Variants in FREM3 observed in about 807,000 individuals in gnomAD.
The protein encoded by FREM3 is FRAS1 related extracellular matrix 3.
Under a neutral mutation model 129.1 loss-of-function variants are expected in FREM3, and 105 were observed. The ratio of observed to expected loss-of-function variants is 0.81; its 90% CI spans 0.69 to 0.96. The LOEUF (loss-of-function observed/expected upper bound fraction) is 0.96. Ranked by LOEUF, FREM3 falls within the 40% of genes least tolerant of loss-of-function variation. The probability of loss-of-function intolerance (pLI) is 0.00; values close to 1 mark genes in which losing one functional copy is unlikely to be tolerated. For missense variants in FREM3, 2,593 were observed against 2,666.3 expected (o/e 0.97, Z 0.61); for synonymous variants, 1,014 against 1,044.9 (o/e 0.97, Z 0.57).
intron 2 of FREM3, among the ~76,000 whole-genome samples, chr4:143,635,540 C>T (rs1458977101): frequency 2.0e-5 from 3 of 152,190 alleles, no homozygotes; most frequent in South Asian, 2.1e-4. Flanking sequence ...CCTCCTCATC[C>T]TCAATTGTGA....
intron 6 of FREM3, among the ~76,000 whole-genome samples, chr4:143,593,942 C>G (rs1298454649): frequency 6.6e-6 from 1 of 152,236 alleles, no homozygotes; most frequent in Non-Finnish European, 1.5e-5. Flanking sequence ...TGCCCCTCCT[C>G]CAGCCTCGCT....
intron 2 of FREM3, among the ~76,000 whole-genome samples, chr4:143,663,361 A>T (rs1331503709): frequency 6.6e-6 from 1 of 152,110 alleles, no homozygotes; most frequent in African/African-American, 2.4e-5. Flanking sequence ...TTAGCTGGAT[A>T]TGAAATTCTG....
chr4:143,616,692 C>T (rs982172522), intron 5 of FREM3, among the ~76,000 whole-genome samples: 2 of 151,874 alleles, frequency 1.3e-5, no homozygotes, highest in African/African-American at 4.9e-5. Context: ...ACACGGGAGG[C>T]TGAGGCCGGA....
chr4:143,587,499 T>A (rs1433501579), intron 6 of FREM3, among the ~76,000 whole-genome samples: 1 of 152,206 alleles, frequency 6.6e-6, no homozygotes, highest in African/African-American at 2.4e-5. Context: ...TACATAGTGG[T>A]GTTTTGATAT....
At chr4:143,686,365 C>T (rs1431293587) in intron 2 of FREM3, among the ~76,000 whole-genome samples, 1 of 152,026 alleles carries the variant, frequency 6.6e-6, no homozygotes, top group Non-Finnish European at 1.5e-5. Context: ...TAGACAGAAA[C>T]ACAATAATAG....
rs902920366 is a variant in FREM3, at chr4:143,698,685, C to T, written c.1991G>A (p.Ser664Asn). The stretch of plus-strand genomic sequence containing the variant: ...CAGCTGGACCATTACAGATTGAGGG[C>T]TGTGTGGTCCAAGATGGCGGTAGAA... ...RLFYRHLGPH[S>N]PQSVMVQLAF... Residue 664 changes from serine (S) to asparagine (N), a missense_variant, in exon 1 of 8, where the codon AGC (serine) becomes AAC (asparagine). Around this residue, in one of 2 missense-constraint regions of FREM3, gnomAD observed 2,276 missense variants for 2,267.2 expected, o/e 1.00. Coordinates refer to ENST00000329798, the MANE Select transcript of FREM3 (RefSeq NM_001168235.2). 2.7e-5 allele frequency: 42 copies of T among 1,537,552 alleles called. No individual in the cohort carries two copies. The highest frequency in any genetic ancestry group is 3.6e-5 in the Non-Finnish European group (41 of 1,146,988).
intron 2 of FREM3, among the ~76,000 whole-genome samples, chr4:143,692,245 A>C (rs984887890): frequency 6.6e-6 from 1 of 152,104 alleles, no homozygotes; most frequent in Non-Finnish European, 1.5e-5. Context: ...GAAGAGGACA[A>C]GGTCACTTAC....
intron 2 of FREM3, among the ~76,000 whole-genome samples, chr4:143,646,162 A>T (rs771865344): frequency 6.6e-6 from 1 of 152,236 alleles, no homozygotes; most frequent in Non-Finnish European, 1.5e-5. Flanking sequence ...CTGTTTATAA[A>T]AGTTGCCCAA....
intron 2 of FREM3, among the ~76,000 whole-genome samples, chr4:143,669,623 C>CTAA (rs1441092702): frequency 7.3e-5 from 11 of 149,882 alleles, no homozygotes; most frequent in African/African-American, 2.5e-4. Context: ...TTATGTAACA[C>CTAA]TAATACATGT....
chr4:143,662,164 T>C (rs559171258), intron 2 of FREM3, among the ~76,000 whole-genome samples: 50 of 152,274 alleles, frequency 3.3e-4, no homozygotes, highest in Non-Finnish European at 6.2e-4. Context: ...CTTTTCTAGT[T>C]CTTTAATTGT....
chr4:143,626,113 G>T lies in FREM3; in HGVS notation c.5422+1501C>A, dbSNP rs543469570. Among the ~76,000 whole-genome samples, 5 of 152,252 alleles carry T rather than the reference G, an allele frequency of 3.3e-5. No individual in the cohort carries two copies. The East Asian group carries it at 7.7e-4, about 24-fold the overall frequency. The stretch of plus-strand genomic sequence containing the variant: ...ATCAGAAGGACTTTCTGGAGTGTCT[G>T]ATTGAGATGGTTTAGAGGTTCCTGT... On this transcript the variant is annotated intron_variant, in intron 3 of 7. Coordinates refer to ENST00000329798, the MANE Select transcript of FREM3 (RefSeq NM_001168235.2).
chr4:143,616,316 T>C (rs1450248667), intron 5 of FREM3, among the ~76,000 whole-genome samples: 2 of 152,194 alleles, frequency 1.3e-5, no homozygotes, highest in African/African-American at 4.8e-5. Context: ...TTAAACCATA[T>C]GATTTGTACT....
chr4:143,627,589 C>G, intron 3 of FREM3, 25 bp downstream of exon 3: 8 of 1,525,690 alleles, frequency 5.2e-6, no homozygotes, highest in Non-Finnish European at 7.0e-6. Context: ...GACCTTTTAC[C>G]AACAACCAAT....
At chr4:143,589,199 A>G (rs1246702137) in intron 6 of FREM3, among the ~76,000 whole-genome samples, 1 of 151,794 alleles carries the variant, frequency 6.6e-6, no homozygotes, top group Non-Finnish European at 1.5e-5. Context: ...TTGCCTGTTC[A>G]CTCTGATGGT....
intron 2 of FREM3, among the ~76,000 whole-genome samples, chr4:143,676,942 A>C (rs1430250683): frequency 6.6e-6 from 1 of 152,176 alleles, no homozygotes; most frequent in African/African-American, 2.4e-5. Context: ...AGGAAGAATT[A>C]ATATCGTGAA....
At chr4:143,677,295 G>T (rs1046879964) in intron 2 of FREM3, among the ~76,000 whole-genome samples, 4 of 152,192 alleles carry the variant, frequency 2.6e-5, no homozygotes, top group Non-Finnish European at 4.4e-5. Flanking sequence ...AATGGGGAAA[G>T]GATACCCTAT....
chr4:143,673,196 T>C (rs1032235894), intron 2 of FREM3, among the ~76,000 whole-genome samples: 6 of 152,232 alleles, frequency 3.9e-5, no homozygotes, highest in African/African-American at 1.4e-4. Context: ...AGTTTTTCTG[T>C]TCTGTTTTTT....
At chr4:143,691,042 G>T (rs778987117) in intron 2 of FREM3, among the ~76,000 whole-genome samples, 1 of 152,136 alleles carries the variant, frequency 6.6e-6, no homozygotes, top group Non-Finnish European at 1.5e-5. Context: ...AATCTTTAAA[G>T]AAATGATTTT....
chr4:143,592,147 A>G (rs1353272308), intron 6 of FREM3, among the ~76,000 whole-genome samples: 1 of 152,006 alleles, frequency 6.6e-6, no homozygotes, highest in Non-Finnish European at 1.5e-5. Flanking sequence ...TGCACGTGAG[A>G]TGGGTTTCCT....
Sources: allele counts gnomAD v4.1 joint callset (sites outside exome capture counted in the v4.1 genomes callset), GRCh38; gene constraint gnomAD v4.1.1; regional missense constraint gnomAD v4.1.1; transcripts MANE v1.5; gene names NCBI Gene and HGNC (gene_info 2026-07-23, HGNC 2026-07-21).